Variants in DSCAM observed in about 807,000 individuals in gnomAD.
DSCAM encodes DS cell adhesion molecule, also known as cell adhesion molecule DSCAM.
In DSCAM, 47 loss-of-function variants were observed where a neutral mutation model predicts 217.7. The observed-to-expected ratio is 0.22, with a 90% CI of 0.17 to 0.28. The LOEUF is 0.28. Ranked by LOEUF, DSCAM falls within the 10% of genes least tolerant of loss-of-function variation. DSCAM has a pLI of 1.00. For missense variants in DSCAM, 2,080 were observed against 2,618.3 expected, an observed-to-expected ratio of 0.79 and a Z score of 4.49; for synonymous variants, 1,056 against 1,015.3, an observed-to-expected ratio of 1.04 and a Z score of -0.76.
chr21:40,635,592 T>A (rs968365499), intron 3 of DSCAM, among the ~76,000 whole-genome samples: 1 of 152,116 alleles, frequency 6.6e-6, no homozygotes, highest in Non-Finnish European at 1.5e-5. Context: ...TGTGTGTGCA[T>A]GTGTGTGTGT....
intron 1 of DSCAM, among the ~76,000 whole-genome samples, chr21:40,712,616 T>G (rs1292067690): frequency 1.3e-5 from 2 of 152,232 alleles, no homozygotes. Context: ...TAAATGCTAG[T>G]TGGTGCATTC....
intron 1 of DSCAM, among the ~76,000 whole-genome samples, chr21:40,780,734 G>C (rs2091536358): frequency 6.6e-6 from 1 of 152,032 alleles, no homozygotes; most frequent in African/African-American, 2.4e-5. Context: ...AAGACACACA[G>C]AGAATGGCCT....
chr21:40,078,615 G>A, intron 26 of DSCAM, 72 bp downstream of exon 26: 1 of 1,547,240 alleles, frequency 6.5e-7, no homozygotes, highest in Non-Finnish European at 8.7e-7. Flanking sequence ...GATGTTCGAT[G>A]GGAAAGGGGC....
At chr21:40,259,649 G>A (rs2073421155) in intron 11 of DSCAM, among the ~76,000 whole-genome samples, 1 of 131,834 alleles carries the variant, frequency 7.6e-6, no homozygotes, top group East Asian at 2.3e-4. Flanking sequence ...TGAAAGTTTT[G>A]AGTCAGCCAT....
chr21:40,520,310 T>G (rs1178454678), intron 3 of DSCAM, among the ~76,000 whole-genome samples: 1 of 152,164 alleles, frequency 6.6e-6, no homozygotes, highest in Non-Finnish European at 1.5e-5. Context: ...GAGAAAATAA[T>G]TCTCTGCAAT....
chr21:40,244,222 G>A (rs1004308697), intron 11 of DSCAM, among the ~76,000 whole-genome samples: 3 of 152,146 alleles, frequency 2.0e-5, no homozygotes, highest in East Asian at 1.9e-4. Context: ...AGGCCAAGGC[G>A]GGTGGATCAC....
At chr21:40,206,133 T>C (rs775819826) in intron 11 of DSCAM, among the ~76,000 whole-genome samples, 7 of 152,208 alleles carry the variant, frequency 4.6e-5, no homozygotes, top group Non-Finnish European at 8.8e-5. Context: ...GTTCTAAGGA[T>C]AGTAATGTCA....
intron 8 of DSCAM, among the ~76,000 whole-genome samples, chr21:40,330,650 A>G (rs189285248): frequency 4.6e-5 from 7 of 152,026 alleles, no homozygotes; most frequent in Admixed American, 3.9e-4. Context: ...TTGATATCCT[A>G]CCTCTCTTCT....
intron 6 of DSCAM, among the ~76,000 whole-genome samples, chr21:40,340,562 T>C (rs528787388): frequency 4.2e-4 from 64 of 152,296 alleles, no homozygotes; most frequent in African/African-American, 8.7e-4. Flanking sequence ...TTGACATAAT[T>C]GCAATCACAT....
Position 40,091,557 on chromosome 21 carries a change from T to C in DSCAM, c.3850+2164A>G, listed in dbSNP as rs75812188. 3.4e-3 allele frequency among the ~76,000 whole-genome samples: 513 copies of C among 152,232 alleles called. 5 individuals carry two copies. Among genetic ancestry groups the C allele is most frequent in the African/African-American group, 0.012 (490 of 41,562 alleles). Reference sequence around the variant, plus strand: ...GAGGTCCTCTCACACTATTTCTTTATAGCACTTACTACAGTTTGTCTCTAT... The same window carrying C: ...GAGGTCCTCTCACACTATTTCTTTACAGCACTTACTACAGTTTGTCTCTAT... On this transcript the variant is annotated intron_variant, in intron 21 of 32. Transcript: ENST00000400454.
intron 3 of DSCAM, among the ~76,000 whole-genome samples, chr21:40,387,211 G>A (rs1174403747): frequency 3.9e-5 from 6 of 152,074 alleles, no homozygotes; most frequent in Admixed American, 3.9e-4. Flanking sequence ...AGATCTTGTT[G>A]ATACTACCTA....
chr21:40,728,619 C>A (rs1316343751), intron 1 of DSCAM, among the ~76,000 whole-genome samples: 4 of 152,052 alleles, frequency 2.6e-5, no homozygotes, highest in African/African-American at 9.7e-5. Flanking sequence ...GGGGTTTTAT[C>A]ATGTTGGCCA....
chr21:40,197,964 CA>C (rs1388642742), intron 11 of DSCAM, among the ~76,000 whole-genome samples: 1 of 152,220 alleles, frequency 6.6e-6, no homozygotes, highest in African/African-American at 2.4e-5. Context: ...AGTGTCTGAC[CA>C]CAGGGGTATC....
chr21:40,062,806 T>C, intron 28 of DSCAM, 63 bp downstream of exon 28: 3 of 1,472,800 alleles, frequency 2.0e-6, no homozygotes, highest in Non-Finnish European at 2.7e-6. Flanking sequence ...ATAGAAATCA[T>C]CAAGGCAAGT....
intron 9 of DSCAM, among the ~76,000 whole-genome samples, chr21:40,305,224 T>A (rs907535693): frequency 6.6e-6 from 1 of 151,998 alleles, no homozygotes; most frequent in Non-Finnish European, 1.5e-5. Flanking sequence ...ACCTTGTCTC[T>A]ACTAAAAATA....
chr21:40,138,671 G>A (rs2090245692), intron 18 of DSCAM, among the ~76,000 whole-genome samples: 1 of 140,878 alleles, frequency 7.1e-6, no homozygotes, highest in Non-Finnish European at 1.5e-5. Flanking sequence ...GGTGTGATAT[G>A]TGGTGTATGT....
At chr21:40,044,359 C>G in intron 30 of DSCAM, 84 bp from the exon 31 acceptor site, 1 of 1,376,146 alleles carries the variant, frequency 7.3e-7, no homozygotes, top group Non-Finnish European at 9.9e-7. Flanking sequence ...GTGCCACCCA[C>G]CCAGCACTGC....
intron 3 of DSCAM, among the ~76,000 whole-genome samples, chr21:40,550,616 G>T (rs769176558): frequency 1.3e-5 from 2 of 152,154 alleles, no homozygotes; most frequent in Admixed American, 6.5e-5. Flanking sequence ...CATTCAACAA[G>T]GTATTCCGAA....
At chr21:40,452,515 G>C (rs2075728869) in intron 3 of DSCAM, among the ~76,000 whole-genome samples, 1 of 151,968 alleles carries the variant, frequency 6.6e-6, no homozygotes, top group Admixed American at 6.6e-5. Context: ...AGTTTCAACA[G>C]TTACTCTAAT....
Sources: allele counts gnomAD v4.1 joint callset (sites outside exome capture counted in the v4.1 genomes callset), GRCh38; gene constraint gnomAD v4.1.1; transcripts MANE v1.5; gene names NCBI Gene and HGNC (gene_info 2026-07-23, HGNC 2026-07-21).